Variants in NEDD4L observed in about 807,000 individuals in gnomAD.
NEDD4L encodes the protein NEDD4 like E3 ubiquitin protein ligase.
Under a neutral mutation model 148.9 loss-of-function variants are expected in NEDD4L, and 54 were observed. The observed-to-expected ratio is 0.36, with a 90% CI of 0.29 to 0.45. The LOEUF is 0.45. Among genes scored for constraint, NEDD4L ranks in the 20% least tolerant of loss-of-function variants. NEDD4L has a pLI of 1.00. For missense variants in NEDD4L, 856 were observed against 1,233.8 expected (o/e 0.69, Z 4.59); for synonymous variants, 433 against 440.7 (o/e 0.98, Z 0.22).
Position 58,396,305 on chromosome 18 carries a change from A to C in NEDD4L, c.*36A>C. ...CCTCGGGGGTGGTTGTTCTTCAAGC[A>C]AGTTCTGCTTGCACTTTTGCATTTG... On this transcript the variant is annotated 3_prime_UTR_variant, in exon 31 of 31. Transcript: ENST00000400345. 7.0e-7 allele frequency: 1 copy of C among 1,423,896 alleles called. No homozygotes were observed. The highest frequency in any genetic ancestry group is 9.9e-7 in the Non-Finnish European group (1 of 1,014,708). The allele number at this position is 1,423,896 out of a possible 1,614,324, so 88.2% of individuals were successfully genotyped here. A position where few individuals can be genotyped will look rare whatever the true frequency, so the allele number is the denominator to read the frequency against.
intron 2 of NEDD4L, among the ~76,000 whole-genome samples, chr18:58,226,640 A>G (rs75959679): frequency 0.015 from 2,231 of 152,076 alleles, 55 homozygotes; most frequent in African/African-American, 0.051. Context: ...GTGCCTGGGG[A>G]CAGGGAAGGC....
At chr18:58,211,267 T>C (rs907119552) in intron 2 of NEDD4L, among the ~76,000 whole-genome samples, 3 of 152,124 alleles carry the variant, frequency 2.0e-5, no homozygotes, top group African/African-American at 7.2e-5. Context: ...AGTAAGACAA[T>C]GAAATGGTCA....
Position 58,396,206 on chromosome 18 carries a change from A to C in NEDD4L, c.2865A>C (p.Glu955Asp). The C allele has an allele frequency of 6.2e-7, 1 of 1,613,694 alleles. No individual in the cohort carries two copies. The change falls in exon 31 of 31, where the codon GAA becomes GAC. Residue 955 changes from glutamate to aspartate, a missense_variant. Around this residue, in one of 4 missense-constraint regions of NEDD4L, gnomAD observed 286 missense variants for 531.8 expected, o/e 0.54. Coordinates refer to ENST00000400345, the MANE Select transcript of NEDD4L (RefSeq NM_001144967.3). ...RLDLPPYETFEDLREKLLMAV... is the reference protein window; with the variant it reads ...RLDLPPYETFDDLREKLLMAV... ...ACTTACCTCCATATGAAACCTTTGA[A>C]GATTTACGAGAGAAACTTCTCATGG...
In NEDD4L at chr18:58,246,970, T is replaced by C. The variant is rs934234685; in HGVS notation, c.204+1462T>C. On this transcript the variant is annotated intron_variant, in intron 3 of 30. Coordinates refer to ENST00000400345, the MANE Select transcript of NEDD4L (RefSeq NM_001144967.3). The stretch of plus-strand genomic sequence containing the variant: ...TGGCAGATCAATTGAGCCCGGGAGA[T>C]TGAGGTTGCAGTGAGCCATAATGAT... 3.3e-5 allele frequency among the ~76,000 whole-genome samples: 5 copies of C among 152,082 alleles called. No homozygotes were observed. In the South Asian group the frequency reaches 6.2e-4, roughly 19 times the overall value.
At chr18:58,138,185 T>A (rs2146082275) in intron 1 of NEDD4L, among the ~76,000 whole-genome samples, 1 of 152,364 alleles carries the variant, frequency 6.6e-6, no homozygotes, top group Non-Finnish European at 1.5e-5. Flanking sequence ...TTCTAACCTA[T>A]TTTTATTTCA....
intron 5 of NEDD4L, among the ~76,000 whole-genome samples, chr18:58,276,701 T>TATTATTATC (rs1461945709): frequency 6.7e-6 from 1 of 149,650 alleles, no homozygotes; most frequent in Non-Finnish European, 1.5e-5. Flanking sequence ...ATAATATTAT[T>TATTATTATC]ATTATTATTA....
chr18:58,332,566 T>C (rs532355068), intron 11 of NEDD4L, among the ~76,000 whole-genome samples: 2 of 152,276 alleles, frequency 1.3e-5, no homozygotes, highest in Non-Finnish European at 2.9e-5. Flanking sequence ...AAAAATTTCT[T>C]GAACCCAGGA....
At chr18:58,335,311 T>A (rs543041999) in intron 12 of NEDD4L, among the ~76,000 whole-genome samples, 167 bp from the exon 13 acceptor site, 1 of 152,302 alleles carries the variant, frequency 6.6e-6, no homozygotes, top group African/African-American at 2.4e-5. Flanking sequence ...GCTTCCTTTG[T>A]GCTACTGGTC....
Position 58,052,842 on chromosome 18 carries a change from T to G in NEDD4L, c.48+8134T>G, listed in dbSNP as rs149776089. 1.4e-3 allele frequency among the ~76,000 whole-genome samples: 208 copies of G among 152,212 alleles called. 1 individual carries two copies. The highest frequency in any genetic ancestry group is 4.9e-3 in the African/African-American group (202 of 41,542). On this transcript the variant is annotated intron_variant, in intron 1 of 30. Coordinates refer to ENST00000400345, the MANE Select transcript of NEDD4L (RefSeq NM_001144967.3). ...TTAGCTGGGCGTCGTGGCGTGCCCCTGTAATCCCAGCTACTTGGGAGGCTG... is the reference window on the plus strand; with the variant it reads ...TTAGCTGGGCGTCGTGGCGTGCCCCGGTAATCCCAGCTACTTGGGAGGCTG...
intron 1 of NEDD4L, among the ~76,000 whole-genome samples, chr18:58,129,533 T>G (rs758218706): frequency 5.9e-5 from 9 of 152,190 alleles, no homozygotes; most frequent in Non-Finnish European, 1.2e-4. Context: ...CCATCTTGAG[T>G]TGGAGGAATC....
At chr18:58,329,152 A>C (rs2059576630) in intron 10 of NEDD4L, 25 bp downstream of exon 10, 1 of 1,608,658 alleles carries the variant, frequency 6.2e-7, no homozygotes, top group East Asian at 2.2e-5. Context: ...GAATGGTGCA[A>C]AGCCCGGCAG....
intron 2 of NEDD4L, among the ~76,000 whole-genome samples, chr18:58,234,725 A>T (rs948795374): frequency 2.6e-5 from 4 of 152,100 alleles, no homozygotes; most frequent in Non-Finnish European, 5.9e-5. Flanking sequence ...TCCCCATCTT[A>T]TAAGATAGAG....
chr18:58,377,294 A>G (rs191339188), intron 24 of NEDD4L, among the ~76,000 whole-genome samples: 4 of 152,254 alleles, frequency 2.6e-5, no homozygotes, highest in East Asian at 1.9e-4. Context: ...TTCCTCCCCA[A>G]TGCCAAACAG....
At chr18:58,202,022 C>T (rs1388230147) in intron 2 of NEDD4L, among the ~76,000 whole-genome samples, 4 of 152,278 alleles carry the variant, frequency 2.6e-5, no homozygotes, top group South Asian at 4.1e-4. Flanking sequence ...GTATTTTTGT[C>T]GAGGCATTCC....
At chr18:58,172,314 C>A (rs2146765120) in intron 2 of NEDD4L, among the ~76,000 whole-genome samples, 1 of 152,322 alleles carries the variant, frequency 6.6e-6, no homozygotes, top group Non-Finnish European at 1.5e-5. Flanking sequence ...TTCTGGAAGT[C>A]TTTTAGACGC....
At chr18:58,233,127 G>A (rs2045453326) in intron 2 of NEDD4L, among the ~76,000 whole-genome samples, 1 of 152,200 alleles carries the variant, frequency 6.6e-6, no homozygotes, top group African/African-American at 2.4e-5. Context: ...TCAATGCTTT[G>A]TGCCTCTTGC....
intron 28 of NEDD4L, 24 bp from the exon 29 acceptor site, chr18:58,390,622 A>G: frequency 6.6e-7 from 1 of 1,515,556 alleles, no homozygotes; most frequent in African/African-American, 1.4e-5. Context: ...GGGGGGTATA[A>G]TGACCTTCTG....
intron 1 of NEDD4L, among the ~76,000 whole-genome samples, chr18:58,133,903 T>G (rs1429241829): frequency 6.6e-6 from 1 of 152,230 alleles, no homozygotes; most frequent in East Asian, 1.9e-4. Flanking sequence ...CGCTTCATCC[T>G]CATAACAACT....
chr18:58,125,704 A>G (rs2030957788), intron 1 of NEDD4L, among the ~76,000 whole-genome samples: 2 of 152,240 alleles, frequency 1.3e-5, no homozygotes, highest in African/African-American at 4.8e-5. Context: ...TCTAGTAGTC[A>G]CATTAAAAAG....
Sources: gnomAD v4.1 joint callset for allele counts (sites outside exome capture counted in the v4.1 genomes callset) on GRCh38, gnomAD v4.1.1 for gene constraint, gnomAD v4.1.1 regional missense constraint, MANE v1.5 for transcripts, NCBI Gene and HGNC (gene_info 2026-07-23, HGNC 2026-07-21) for gene names.